The following SGIP1 variants were observed in gnomAD, a reference collection of about 807,000 sequenced individuals.
SGIP1 encodes the protein SH3-containing GRB2-like protein 3-interacting protein 1.
SGIP1 carries 38 observed loss-of-function variants against 107.5 expected under a neutral mutation model. The ratio of observed to expected loss-of-function variants is 0.35; its 90% CI spans 0.27 to 0.46. SGIP1 has a LOEUF of 0.46. Ranked by LOEUF, SGIP1 falls within the 20% of genes least tolerant of loss-of-function variation. The pLI is 1.00. For missense variants in SGIP1, 929 were observed against 1,019.5 expected, an observed-to-expected ratio of 0.91 and a Z score of 1.21; for synonymous variants, 365 against 366.1, an observed-to-expected ratio of 1.00 and a Z score of 0.03.
intron 2 of SGIP1, among the ~76,000 whole-genome samples, chr1:66,630,816 A>G (rs2074134105): frequency 2.0e-4 from 1 of 5,084 alleles, no homozygotes; most frequent in Non-Finnish European, 3.0e-4. Context: ...AGAAAGAAAG[A>G]AAGAAAGAAA....
intron 1 of SGIP1, among the ~76,000 whole-genome samples, chr1:66,577,027 T>C (rs2061160207): frequency 6.6e-6 from 1 of 152,156 alleles, no homozygotes; most frequent in Non-Finnish European, 1.5e-5. Flanking sequence ...TTCTGTTTTG[T>C]TTTTGAGAAG....
intron 19 of SGIP1, among the ~76,000 whole-genome samples, chr1:66,721,598 G>A (rs564827365): frequency 1.3e-5 from 2 of 152,084 alleles, no homozygotes; most frequent in South Asian, 2.1e-4. Flanking sequence ...TTTTAGCGAC[G>A]GGGTTTTTTC....
chr1:66,534,223 C>T lies in SGIP1; in HGVS notation c.-136C>T. On this transcript the variant is annotated 5_prime_UTR_variant, in exon 1 of 25. Transcript: ENST00000371037. ...CCATGGCCTGTCTTTTGGCTTAACA[C>T]TTATCTCCTTTGGCTTTGACAGCGG... 1.1e-6 allele frequency: 1 copy of T among 893,438 alleles called. No homozygotes were observed. 55.3% of individuals were successfully genotyped at this position (893,438 alleles called of 1,614,324 possible).
intron 10 of SGIP1, 140 bp downstream of exon 10, chr1:66,671,159 A>G (rs2083696312): frequency 2.4e-6 from 1 of 415,886 alleles, no homozygotes; most frequent in Non-Finnish European, 4.4e-6. Flanking sequence ...CTTTTACAGC[A>G]AAGAATTCTT....
At chr1:66,694,335 A>T in intron 17 of SGIP1, 1 of 932,224 alleles carries the variant, frequency 1.1e-6, no homozygotes, top group Non-Finnish European at 1.6e-6. Context: ...TTTTCCACTA[A>T]AATCATTCCT....
chr1:66,576,836 A>G (rs537682526), intron 1 of SGIP1, among the ~76,000 whole-genome samples: 2 of 152,246 alleles, frequency 1.3e-5, no homozygotes, highest in East Asian at 3.9e-4. Context: ...GGATCTGGGG[A>G]TTAGTCTTCA....
chr1:66,729,332 A>C lies in SGIP1; in HGVS notation c.1811A>C (p.Asn604Thr). The C allele has an allele frequency of 1.2e-6, 2 of 1,614,156 alleles. No homozygotes were observed. The highest frequency in any genetic ancestry group is 2.7e-5 in the African/African-American group (2 of 75,044). The change falls in exon 20 of 25, where the codon AAC becomes ACC. Residue 604 changes from asparagine to threonine, a missense_variant. Coordinates refer to ENST00000371037, the MANE Select transcript of SGIP1 (RefSeq NM_032291.4). ...GCTGGCATCACCAGACACTTTGCCA[A>C]CAACCCGTCCCCAGCTGCTCTGACT... ...FPAGITRHFA[N>T]NPSPAALTFR...
intron 1 of SGIP1, among the ~76,000 whole-genome samples, chr1:66,609,307 C>T (rs926267803): frequency 3.9e-5 from 6 of 152,066 alleles, no homozygotes; most frequent in South Asian, 2.1e-4. Context: ...ATCCAACTTC[C>T]GGCAGGTATA....
intron 2 of SGIP1, among the ~76,000 whole-genome samples, chr1:66,630,835 G>A (rs565647669): frequency 1.3e-4 from 1 of 7,860 alleles, no homozygotes; most frequent in Non-Finnish European, 1.9e-4. Context: ...AAGAAAGAAA[G>A]AAAGAAAGAA....
chr1:66,548,202 A>G (rs995509555), intron 1 of SGIP1, among the ~76,000 whole-genome samples: 1 of 152,172 alleles, frequency 6.6e-6, no homozygotes, highest in African/African-American at 2.4e-5. Flanking sequence ...TAGTAGCTAC[A>G]GATGGCATTC....
At chr1:66,715,869 T>C (rs2093209752) in intron 18 of SGIP1, among the ~76,000 whole-genome samples, 2 of 152,176 alleles carry the variant, frequency 1.3e-5, no homozygotes, top group South Asian at 2.1e-4. Context: ...TCTTATAAGT[T>C]CCAGTTCAGT....
chr1:66,729,541 T>A, intron 20 of SGIP1, 122 bp downstream of exon 20: 1 of 1,284,716 alleles, frequency 7.8e-7, no homozygotes, highest in Non-Finnish European at 1.1e-6. Flanking sequence ...CTCAGATATA[T>A]TTGTAGATTC....
At chr1:66,653,436 G>C (rs1302564901) in intron 7 of SGIP1, among the ~76,000 whole-genome samples, 2 of 152,096 alleles carry the variant, frequency 1.3e-5, no homozygotes, top group Non-Finnish European at 2.9e-5. Context: ...TCAACCTGGA[G>C]TGCCTTTGTC....
intron 1 of SGIP1, among the ~76,000 whole-genome samples, chr1:66,599,830 A>G (rs1304746756): frequency 6.6e-6 from 1 of 152,224 alleles, no homozygotes; most frequent in African/African-American, 2.4e-5. Context: ...TCCTGTGGCT[A>G]GATGGCTGAT....
At chr1:66,700,994 T>C (rs185802627) in intron 18 of SGIP1, among the ~76,000 whole-genome samples, 177 of 152,338 alleles carry the variant, frequency 1.2e-3, no homozygotes, top group South Asian at 3.5e-3. Flanking sequence ...TTTGGAGTTA[T>C]ATTATCTCTG....
At chr1:66,732,138 C>T (rs1033166871) in intron 20 of SGIP1, among the ~76,000 whole-genome samples, 2 of 152,142 alleles carry the variant, frequency 1.3e-5, no homozygotes, top group African/African-American at 4.8e-5. Context: ...TTGAGGGTTT[C>T]CCAGTTATTC....
chr1:66,579,511 T>C (rs1438244264), intron 1 of SGIP1, among the ~76,000 whole-genome samples: 3 of 152,204 alleles, frequency 2.0e-5, no homozygotes, highest in African/African-American at 7.2e-5. Flanking sequence ...CCATGTTTCT[T>C]AAATTCTGTG....
chr1:66,640,355 C>A (rs2076548150), intron 5 of SGIP1, among the ~76,000 whole-genome samples: 1 of 152,090 alleles, frequency 6.6e-6, no homozygotes, highest in Non-Finnish European at 1.5e-5. Flanking sequence ...AATATTAAAT[C>A]TGGGTGTTTC....
intron 7 of SGIP1, among the ~76,000 whole-genome samples, chr1:66,653,439 C>G (rs1295725883): frequency 6.6e-6 from 1 of 152,040 alleles, no homozygotes; most frequent in African/African-American, 2.4e-5. Context: ...ACCTGGAGTG[C>G]CTTTGTCATG....
Sources: allele counts gnomAD v4.1 joint callset (sites outside exome capture counted in the v4.1 genomes callset), GRCh38; gene constraint gnomAD v4.1.1; transcripts MANE v1.5; gene names NCBI Gene and HGNC (gene_info 2026-07-23, HGNC 2026-07-21).